ZNF616: variants seen among roughly 807,000 people sequenced by gnomAD.
The protein encoded by ZNF616 is zinc finger protein 616.
In ZNF616, 5 loss-of-function variants were observed where a neutral mutation model predicts 7.6. The ratio of observed to expected loss-of-function variants is 0.66; its 90% CI spans 0.34 to 1.38. The LOEUF is 1.38. Ranked by LOEUF, ZNF616 falls within the 40% of genes most tolerant of loss-of-function variation. The pLI is 0.04. For missense variants in ZNF616, 913 were observed against 948.3 expected (o/e 0.96, Z 0.49); for synonymous variants, 319 against 317.2 (o/e 1.01, Z -0.06).
Position 52,116,794 on chromosome 19 carries a change from C to G in ZNF616, c.370G>C (p.Asp124His). ...TCTACATCCCCTTGACTATGTTGAT[C>G]TCTTTTACCAGTAAGATTGTTTTCA... ...PHENNLTGKR[D>H]QHSQGDVENN... The change falls in exon 4 of 4, where the codon GAT becomes CAT. Residue 124 changes from aspartate to histidine, a missense_variant. Asp to His is a moderately conservative substitution (Grantham distance 81, BLOSUM62 -1). Coordinates refer to ENST00000600228, the MANE Select transcript of ZNF616 (RefSeq NM_178523.5). 5.0e-6 allele frequency: 8 copies of G among 1,613,980 alleles called. No homozygotes were observed. Among genetic ancestry groups the G allele is most frequent in the Non-Finnish European group, 6.8e-6 (8 of 1,179,946 alleles).
chr19:52,115,743 A>C lies in ZNF616; in HGVS notation c.1421T>G (p.Phe474Cys), dbSNP rs756230510. ...AYKCNECGKV[F>C]SIHSRLAAHQ... is the part of the protein sequence containing the mutation. ...AGCTGCAAGTCGTGAATGTATGCTG[A>C]AAACTTTGCCACATTCATTGCATTT... Residue 474 changes from phenylalanine (F) to cysteine (C), a missense_variant, in exon 4 of 4, where the codon TTC (phenylalanine) becomes TGC (cysteine). Phe to Cys is a radical substitution (Grantham distance 205, BLOSUM62 -2). Transcript: ENST00000600228. 1.2e-6 allele frequency: 2 copies of C among 1,614,094 alleles called. No individual in the cohort carries two copies. Among genetic ancestry groups the C allele is most frequent in the Admixed American group, 3.3e-5 (2 of 59,994 alleles).
rs73571268 is a variant in ZNF616 at position 52,114,525 on chromosome 19, C to T, written c.*293G>A. 3.7e-6 allele frequency: 1 copy of T among 271,796 alleles called. No individual in the cohort carries two copies. The highest frequency in any genetic ancestry group is 6.9e-6 in the Non-Finnish European group (1 of 144,468). The allele number at this position is 271,796 out of a possible 1,614,324, so 16.8% of individuals were successfully genotyped here. A position where few individuals can be genotyped will look rare whatever the true frequency, so the allele number is the denominator to read the frequency against. On this transcript the variant is annotated 3_prime_UTR_variant, in exon 4 of 4. Coordinates refer to ENST00000600228, the MANE Select transcript of ZNF616 (RefSeq NM_178523.5). Reference sequence around the variant, plus strand: ...GTTAAAATCATGGTGGAAGGCAAAGCGGGTGTCGGTATTTCACATGGTGAG... The same window carrying T: ...GTTAAAATCATGGTGGAAGGCAAAGTGGGTGTCGGTATTTCACATGGTGAG...
Position 52,116,936 on chromosome 19 carries a change from T to G in ZNF616, c.228A>C (p.Arg76Ser), listed in dbSNP as rs377691203. The G allele has an allele frequency of 6.2e-7, 1 of 1,613,934 alleles. No individual in the cohort carries two copies. Among genetic ancestry groups the G allele is most frequent in the Admixed American group, 1.7e-5 (1 of 60,000 alleles). ...GERFQTVALE[R>S]HQSYDIENLY... Reference sequence around the variant, plus strand: ...AATTTTCAATATCATAGCTTTGATGTCTTTCCAGTGCCACTGTTTGGAACC... The same window carrying G: ...AATTTTCAATATCATAGCTTTGATGGCTTTCCAGTGCCACTGTTTGGAACC... Residue 76 changes from arginine to serine, a missense_variant, in exon 4 of 4, where the codon AGA becomes AGC. Physicochemically the swap from Arg to Ser is moderately radical, Grantham distance 110. Coordinates refer to ENST00000600228, the MANE Select transcript of ZNF616 (RefSeq NM_178523.5).
chr19:52,128,579 C>G (rs2088929717), intron 2 of ZNF616, among the ~76,000 whole-genome samples: 1 of 151,786 alleles, frequency 6.6e-6, no homozygotes, highest in African/African-American at 2.4e-5. Flanking sequence ...TCTGTCTCTA[C>G]TAAAAATACA....
intron 2 of ZNF616, among the ~76,000 whole-genome samples, chr19:52,127,508 G>A (rs767813636): frequency 1.3e-5 from 2 of 152,064 alleles, no homozygotes; most frequent in African/African-American, 2.4e-5. Flanking sequence ...TCTACAACAA[G>A]ATATACAGAA....
At chr19:52,135,170 A>G (rs2088996705) in intron 1 of ZNF616, among the ~76,000 whole-genome samples, 1 of 152,066 alleles carries the variant, frequency 6.6e-6, no homozygotes, top group Non-Finnish European at 1.5e-5. Context: ...AGGTTTACAA[A>G]CTTCCTTGGG....
In ZNF616 at chr19:52,115,191, T is replaced by A; in HGVS notation, c.1973A>T (p.Asp658Val). ...ACACTCATTACATTTGTAAGGTCTG[T>A]CTCCAGTATGAACAGTCTGATGAAG... Reference protein sequence around the residue: ...LRLHQTVHTGDRPYKCNECGK... With the variant: ...LRLHQTVHTGVRPYKCNECGK... The change falls in exon 4 of 4, where the codon GAC (aspartate) becomes GTC (valine). Residue 658 changes from aspartate to valine, a missense_variant. Coordinates refer to ENST00000600228, the MANE Select transcript of ZNF616 (RefSeq NM_178523.5). The A allele has an allele frequency of 6.2e-7, 1 of 1,614,216 alleles. No individual in the cohort carries two copies. Among genetic ancestry groups the A allele is most frequent in the Non-Finnish European group, 8.5e-7 (1 of 1,180,040 alleles).
chr19:52,127,263 C>T (rs548654260), intron 2 of ZNF616, among the ~76,000 whole-genome samples: 234 of 152,274 alleles, frequency 1.5e-3, no homozygotes, highest in African/African-American at 5.1e-3. Flanking sequence ...CCATGTTGGC[C>T]AGGCTGGTCT....
Position 52,116,325 on chromosome 19 carries a change from T to C in ZNF616, c.839A>G (p.Lys280Arg), listed in dbSNP as rs1454467109. ...CTGATGAACTGCAAGGTGGGAACTT[T>C]TACTAAAGGACTTGCCACATTCATT... is the stretch of plus-strand genomic sequence containing the variant. ...ICNECGKSFS[K>R]SSHLAVHQRI... is the part of the protein sequence containing the mutation. Residue 280 changes from lysine (K) to arginine (R), a missense_variant, in exon 4 of 4, where the codon AAA (lysine) becomes AGA (arginine). Transcript: ENST00000600228. 6.2e-7 allele frequency: 1 copy of C among 1,614,202 alleles called. No individual in the cohort carries two copies. Among genetic ancestry groups the C allele is most frequent in the Admixed American group, 1.7e-5 (1 of 60,018 alleles).
intron 1 of ZNF616, 122 bp from the exon 2 acceptor site, chr19:52,130,710 G>A: frequency 4.5e-6 from 3 of 660,904 alleles, no homozygotes; most frequent in Admixed American, 3.0e-5. Flanking sequence ...CAGGGGGGAT[G>A]CAAGAATAAT....
At chr19:52,133,612 G>A (rs1226157799) in intron 1 of ZNF616, among the ~76,000 whole-genome samples, 1 of 151,860 alleles carries the variant, frequency 6.6e-6, no homozygotes, top group Non-Finnish European at 1.5e-5. Flanking sequence ...TCCGCCTCCC[G>A]GGTTCAAGCA....
At chr19:52,125,869 G>A (rs2088902488) in intron 2 of ZNF616, among the ~76,000 whole-genome samples, 1 of 152,192 alleles carries the variant, frequency 6.6e-6, no homozygotes, top group African/African-American at 2.4e-5. Flanking sequence ...AGAAAGACAT[G>A]AGGGTGAAGA....
At chr19:52,136,970 G>A (rs1467174504) in intron 1 of ZNF616, among the ~76,000 whole-genome samples, 2 of 150,656 alleles carry the variant, frequency 1.3e-5, no homozygotes, top group Non-Finnish European at 2.9e-5. Context: ...TATTCACAAC[G>A]GCCAAGATAT....
chr19:52,118,090 T>C (rs1368220042), intron 3 of ZNF616, among the ~76,000 whole-genome samples: 1 of 152,066 alleles, frequency 6.6e-6, no homozygotes, highest in African/African-American at 2.4e-5. Context: ...CCAAAGATGT[T>C]CACCACCACG....
intron 2 of ZNF616, 115 bp from the exon 3 acceptor site, chr19:52,124,164 G>A: frequency 7.5e-7 from 1 of 1,327,126 alleles, no homozygotes; most frequent in Non-Finnish European, 1.0e-6. Context: ...TATCTATATG[G>A]CATCTGTGAG....
Position 52,114,788 on chromosome 19 carries a change from A to C in ZNF616, c.*30T>G. ...CAAGGTATATCAGTAAGTAGGAATTATTCGGTGATTCCAGAAACTAGGACA... is the reference window on the plus strand; with the variant it reads ...CAAGGTATATCAGTAAGTAGGAATTCTTCGGTGATTCCAGAAACTAGGACA... On this transcript the variant is annotated 3_prime_UTR_variant, in exon 4 of 4. Transcript: ENST00000600228. 1 of 1,532,800 alleles carries C rather than the reference A, an allele frequency of 6.5e-7. No homozygotes were observed. 94.9% of individuals were successfully genotyped at this position (1,532,800 alleles called of 1,614,324 possible).
At chr19:52,119,466 G>A (rs1156521567) in intron 3 of ZNF616, among the ~76,000 whole-genome samples, 2 of 152,122 alleles carry the variant, frequency 1.3e-5, no homozygotes, top group Non-Finnish European at 2.9e-5. Context: ...GGAGATGAAG[G>A]AGTTATGCAA....
At chr19:52,126,905 G>A (rs1189350879) in intron 2 of ZNF616, among the ~76,000 whole-genome samples, 2 of 152,012 alleles carry the variant, frequency 1.3e-5, no homozygotes, top group Non-Finnish European at 2.9e-5. Context: ...TAACATTACT[G>A]AACTTTACAT....
chr19:52,136,182 C>T (rs2089006003), intron 1 of ZNF616, among the ~76,000 whole-genome samples: 1 of 148,306 alleles, frequency 6.7e-6, no homozygotes. Flanking sequence ...GAACATTTTG[C>T]AAATAAGACA....
Sources: gnomAD v4.1 joint callset for allele counts (sites outside exome capture counted in the v4.1 genomes callset) on GRCh38, gnomAD v4.1.1 for gene constraint, MANE v1.5 for transcripts, NCBI Gene and HGNC (gene_info 2026-07-23, HGNC 2026-07-21) for gene names.